The following ADRA1A variants were observed in gnomAD, a reference collection of about 807,000 sequenced individuals.
The protein encoded by ADRA1A is alpha-1A adrenergic receptor.
In ADRA1A, 31 loss-of-function variants were observed where a neutral mutation model predicts 29.6. The ratio of observed to expected loss-of-function variants is 1.05; its 90% CI spans 0.79 to 1.41. The LOEUF (loss-of-function observed/expected upper bound fraction) is 1.41, where lower values mean the gene tolerates loss of function less well. Among genes scored for constraint, ADRA1A ranks in the 40% most tolerant of loss-of-function variants. ADRA1A has a pLI of 0.00. For missense variants in ADRA1A, 619 were observed against 601.1 expected, an observed-to-expected ratio of 1.03 and a Z score of -0.31; for synonymous variants, 311 against 254.3, an observed-to-expected ratio of 1.22 and a Z score of -2.12.
At chr8:26,804,895 A>C (rs904248925) in intron 2 of ADRA1A, among the ~76,000 whole-genome samples, 11 of 152,180 alleles carry the variant, frequency 7.2e-5, no homozygotes, top group Non-Finnish European at 1.5e-4. Context: ...ATAAGCCTGA[A>C]ATTATAATTT....
intron 2 of ADRA1A, among the ~76,000 whole-genome samples, chr8:26,827,407 G>A (rs1414462309): frequency 6.6e-6 from 1 of 152,158 alleles, no homozygotes; most frequent in African/African-American, 2.4e-5. Flanking sequence ...GTCTGTTTGG[G>A]CTGCTATAAC....
In ADRA1A at chr8:26,770,296, G is replaced by A. The variant is rs1216607301; in HGVS notation, c.1254C>T (p.Ser418=). ...ARITVSKDQS[S]CTTARVRSKS... ...TACTTCTCACCCGGGCTGTGGTACA[G>A]GAGGATTGGTCTTTGGACACTGTAA... is the stretch of plus-strand genomic sequence containing the variant. Residue 418 remains serine, a synonymous_variant, in exon 3 of 3, where the codon TCC becomes TCT. Coordinates refer to ENST00000380573, the MANE Select transcript of ADRA1A (RefSeq NM_000680.4). 6.2e-7 allele frequency: 1 copy of A among 1,614,238 alleles called. No individual in the cohort carries two copies. The highest frequency in any genetic ancestry group is 8.5e-7 in the Non-Finnish European group (1 of 1,180,038).
intron 2 of ADRA1A, among the ~76,000 whole-genome samples, chr8:26,814,798 T>A (rs1809651193): frequency 6.6e-6 from 1 of 152,228 alleles, no homozygotes; most frequent in South Asian, 2.1e-4. Flanking sequence ...CTATTTTGTA[T>A]TTTGCTGTGC....
intron 2 of ADRA1A, among the ~76,000 whole-genome samples, chr8:26,836,721 T>A (rs778846675): frequency 3.3e-5 from 5 of 152,218 alleles, no homozygotes; most frequent in Non-Finnish European, 7.3e-5. Flanking sequence ...ATAAGTAGCG[T>A]CTTATAGGCC....
intron 2 of ADRA1A, among the ~76,000 whole-genome samples, chr8:26,808,280 C>T (rs1171705973): frequency 6.6e-6 from 1 of 152,168 alleles, no homozygotes; most frequent in Non-Finnish European, 1.5e-5. Context: ...CAACCTGGTC[C>T]TCTTTTCCCT....
At chr8:26,850,639 G>A (rs1336825295) in intron 2 of ADRA1A, among the ~76,000 whole-genome samples, 4 of 152,134 alleles carry the variant, frequency 2.6e-5, no homozygotes, top group Non-Finnish European at 5.9e-5. Flanking sequence ...AGAATTACAG[G>A]TGTGTGCCAC....
chr8:26,759,369 G>A (rs1402337207), intron 2 of ADRA1A, among the ~76,000 whole-genome samples: 1 of 152,144 alleles, frequency 6.6e-6, no homozygotes, highest in Non-Finnish European at 1.5e-5. Flanking sequence ...ATAAAAGTAT[G>A]ACTCTTTTTT....
chr8:26,838,353 G>A (rs10085967), intron 2 of ADRA1A, among the ~76,000 whole-genome samples: 3,314 of 152,234 alleles, frequency 0.022, 51 homozygotes, highest in Middle Eastern at 0.048. Context: ...ACCACCTTCC[G>A]AGGCTTAGTG....
chr8:26,784,555 A>G (rs1460024818), intron 2 of ADRA1A, among the ~76,000 whole-genome samples: 1 of 152,228 alleles, frequency 6.6e-6, no homozygotes, highest in African/African-American at 2.4e-5. Context: ...AATGTTCATG[A>G]GAAGAAAAGA....
chr8:26,800,015 G>A (rs1585715234), intron 2 of ADRA1A, among the ~76,000 whole-genome samples: 2 of 152,024 alleles, frequency 1.3e-5, no homozygotes, highest in Admixed American at 6.6e-5. Context: ...TCCCAGCACT[G>A]TGGGAGGCTG....
At chr8:26,783,796 T>C (rs190496727) in intron 2 of ADRA1A, among the ~76,000 whole-genome samples, 1 of 152,326 alleles carries the variant, frequency 6.6e-6, no homozygotes, top group East Asian at 1.9e-4. Context: ...CCATCAATGA[T>C]AGACTGGATA....
chr8:26,862,420 T>C (rs575795314), intron 2 of ADRA1A, among the ~76,000 whole-genome samples: 1 of 152,352 alleles, frequency 6.6e-6, no homozygotes, highest in East Asian at 1.9e-4. Flanking sequence ...TCTTGACATT[T>C]TAGGATACAA....
intron 2 of ADRA1A, among the ~76,000 whole-genome samples, chr8:26,830,343 T>C (rs1000105944): frequency 1.2e-4 from 19 of 152,246 alleles, no homozygotes; most frequent in African/African-American, 4.3e-4. Flanking sequence ...GCTGTGGTAT[T>C]ATGATGCTCC....
intron 2 of ADRA1A, among the ~76,000 whole-genome samples, chr8:26,814,260 T>C (rs1453504921): frequency 6.6e-6 from 1 of 152,174 alleles, no homozygotes; most frequent in Non-Finnish European, 1.5e-5. Context: ...TTTATGTTTC[T>C]AGAGACAGGG....
chr8:26,796,582 C>G lies in ADRA1A; in HGVS notation c.884-25916G>C, dbSNP rs544492047. On this transcript the variant is annotated intron_variant, in intron 2 of 2. Transcript: ENST00000380573. The surrounding 1 kb of genome is among the most constrained non-coding windows in gnomAD (Gnocchi z 5.0). Reference sequence around the variant, plus strand: ...ACCGTGAAGACAAGGAGGAAAGATTCGAGGACAAATGTATCCTACACGTGG... The same window carrying G: ...ACCGTGAAGACAAGGAGGAAAGATTGGAGGACAAATGTATCCTACACGTGG... Among the ~76,000 whole-genome samples, 2 of 152,068 alleles carry G rather than the reference C, an allele frequency of 1.3e-5. No individual in the cohort carries two copies. The highest frequency in any genetic ancestry group is 1.3e-4 in the Admixed American group (2 of 15,240).
chr8:26,851,725 A>G (rs572371638), intron 2 of ADRA1A, among the ~76,000 whole-genome samples: 2 of 152,312 alleles, frequency 1.3e-5, no homozygotes, highest in African/African-American at 4.8e-5. Flanking sequence ...TTGATCTTTT[A>G]TGCATGAAGC....
At chr8:26,793,609 A>G (rs1315003307) in intron 2 of ADRA1A, among the ~76,000 whole-genome samples, 1 of 152,004 alleles carries the variant, frequency 6.6e-6, no homozygotes, top group Non-Finnish European at 1.5e-5. Context: ...TAAGAGGAAG[A>G]GTATAATTGT....
intron 2 of ADRA1A, among the ~76,000 whole-genome samples, chr8:26,776,961 C>T (rs900987008): frequency 1.3e-5 from 2 of 152,180 alleles, no homozygotes; most frequent in Non-Finnish European, 2.9e-5. Flanking sequence ...GACAGGCTGC[C>T]ACACCAACAG....
intron 2 of ADRA1A, among the ~76,000 whole-genome samples, chr8:26,816,082 G>A (rs1038232762): frequency 5.3e-5 from 8 of 152,306 alleles, no homozygotes; most frequent in Middle Eastern, 3.4e-3. Context: ...GCAGCATCCC[G>A]AGGAGTCGTC....
Sources: allele counts gnomAD v4.1 joint callset (sites outside exome capture counted in the v4.1 genomes callset), GRCh38; gene constraint gnomAD v4.1.1; non-coding constraint Gnocchi (gnomAD v3.1); transcripts MANE v1.5; gene names NCBI Gene and HGNC (gene_info 2026-07-23, HGNC 2026-07-21).